ATE1: variants seen among roughly 807,000 people sequenced by gnomAD.
ATE1 encodes the protein arginyltransferase 1.
ATE1 carries 36 observed loss-of-function variants against 70.5 expected under a neutral mutation model. The observed-to-expected ratio is 0.51, with a 90% CI of 0.39 to 0.67. The LOEUF (loss-of-function observed/expected upper bound fraction) is 0.67, where lower values mean the gene tolerates loss of function less well. Among genes scored for constraint, ATE1 ranks in the 30% least tolerant of loss-of-function variants. ATE1 has a pLI of 0.00. For missense variants in ATE1, 593 were observed against 629.5 expected (o/e 0.94, Z 0.62); for synonymous variants, 232 against 219.3 (o/e 1.06, Z -0.51).
chr10:121,743,725 C>T lies in ATE1; in HGVS notation c.1512G>A (p.Leu504=). ...EEAAVLQYAS[L]VGQKCSERML... ...TCCGCTCGGAGCACTTCTGCCCCAC[C>T]AGGCTGGCGTACTGCAGAACAGCAG... Residue 504 remains leucine (L), a synonymous_variant, in exon 12 of 12, where the codon CTG becomes CTA. Coordinates refer to ENST00000224652, the MANE Select transcript of ATE1 (RefSeq NM_001001976.3). The T allele has an allele frequency of 2.5e-6, 4 of 1,613,874 alleles. No homozygotes were observed. Among genetic ancestry groups the T allele is most frequent in the Non-Finnish European group, 3.4e-6 (4 of 1,179,946 alleles).
chr10:121,784,000 C>A (rs562908230), intron 11 of ATE1, among the ~76,000 whole-genome samples: 4 of 152,304 alleles, frequency 2.6e-5, no homozygotes, highest in Admixed American at 2.6e-4. Context: ...ATTCTCCCAC[C>A]CTGGCCTCCG....
At chr10:121,782,328 A>T (rs760593550) in intron 11 of ATE1, among the ~76,000 whole-genome samples, 5 of 152,236 alleles carry the variant, frequency 3.3e-5, no homozygotes, top group Non-Finnish European at 5.9e-5. Context: ...ATATTTACAG[A>T]TAATTCACAA....
chr10:121,880,241 T>G (rs928441868), intron 7 of ATE1, among the ~76,000 whole-genome samples: 1 of 152,194 alleles, frequency 6.6e-6, no homozygotes, highest in Non-Finnish European at 1.5e-5. Context: ...GTAAAGCAAG[T>G]TTGAATACGC....
chr10:121,900,024 C>T (rs1950920196), intron 6 of ATE1, 30 bp from the exon 7 acceptor site: 1 of 1,608,986 alleles, frequency 6.2e-7, no homozygotes. Context: ...AACAAGTTTA[C>T]TAATTCATTC....
At chr10:121,883,189 C>A (rs1374256823) in intron 7 of ATE1, among the ~76,000 whole-genome samples, 6 of 152,022 alleles carry the variant, frequency 3.9e-5, no homozygotes, top group Admixed American at 1.3e-4. Context: ...TCCCACAACA[C>A]CCCCTGCTAA....
At chr10:121,751,058 T>A (rs1460718044) in intron 11 of ATE1, among the ~76,000 whole-genome samples, 1 of 152,198 alleles carries the variant, frequency 6.6e-6, no homozygotes. Context: ...AGAGCAGTTG[T>A]GACAGAAATA....
At chr10:121,850,960 G>A (rs913860356) in intron 8 of ATE1, among the ~76,000 whole-genome samples, 3 of 151,620 alleles carry the variant, frequency 2.0e-5, no homozygotes, top group South Asian at 2.1e-4. Context: ...GCATGGTGGC[G>A]GGAGGCTGGA....
At chr10:121,892,936 C>T (rs1950631483) in intron 7 of ATE1, among the ~76,000 whole-genome samples, 1 of 152,216 alleles carries the variant, frequency 6.6e-6, no homozygotes, top group African/African-American at 2.4e-5. Flanking sequence ...ACATCAGAGG[C>T]TTCTCATAAA....
intron 11 of ATE1, among the ~76,000 whole-genome samples, chr10:121,765,210 T>C: frequency 6.6e-6 from 1 of 152,174 alleles, no homozygotes; most frequent in East Asian, 1.9e-4. Context: ...GTCCCCCAGG[T>C]AGTGCTGGCC....
chr10:121,919,142 T>C (rs577223204), intron 3 of ATE1, among the ~76,000 whole-genome samples: 1 of 152,186 alleles, frequency 6.6e-6, no homozygotes, highest in South Asian at 2.1e-4. Flanking sequence ...CCTTCCACAC[T>C]GTGGAAGGTT....
chr10:121,835,185 C>T (rs966285012), intron 10 of ATE1, among the ~76,000 whole-genome samples: 4 of 151,960 alleles, frequency 2.6e-5, no homozygotes, highest in Non-Finnish European at 5.9e-5. Context: ...TTGAAGATAA[C>T]CAAATTCAGG....
At chr10:121,870,246 T>C (rs920949724) in intron 7 of ATE1, among the ~76,000 whole-genome samples, 1 of 152,222 alleles carries the variant, frequency 6.6e-6, no homozygotes, top group African/African-American at 2.4e-5. Context: ...TTTGAATTCC[T>C]TTCAATAAAT....
Position 121,841,102 on chromosome 10 carries a change from C to A in ATE1, c.1137G>T (p.Leu379Phe). The A allele has an allele frequency of 1.9e-6, 3 of 1,566,834 alleles. No individual in the cohort carries two copies. The highest frequency in any genetic ancestry group is 1.7e-5 in the Admixed American group (1 of 58,140). Reference protein sequence around the residue: ...YYDPDYSFLSLGVYSALREIA... With the variant: ...YYDPDYSFLSFGVYSALREIA... ...CTTACCGTAGTGCAGAGTAGACGCC[C>A]AAAGACAAAAACGAATAATCAGGAT... is the stretch of plus-strand genomic sequence containing the variant. The change falls in exon 9 of 12, where the codon TTG becomes TTT. Residue 379 changes from leucine to phenylalanine, a missense_variant. This residue lies in a region of ATE1 where 467 missense variants were observed against 469.6 expected (regional missense o/e 0.99). Transcript: ENST00000224652.
At chr10:121,911,620 T>C (rs561087996) in intron 4 of ATE1, among the ~76,000 whole-genome samples, 10 of 152,202 alleles carry the variant, frequency 6.6e-5, no homozygotes, top group Admixed American at 2.0e-4. Context: ...TTCCCCACAA[T>C]GGCTGGATTA....
intron 8 of ATE1, among the ~76,000 whole-genome samples, chr10:121,843,557 T>A (rs1948708791): frequency 6.6e-6 from 1 of 152,066 alleles, no homozygotes; most frequent in Non-Finnish European, 1.5e-5. Context: ...CCTGTAATAA[T>A]CAAGATGGAG....
chr10:121,805,552 C>T (rs977881975), intron 10 of ATE1, among the ~76,000 whole-genome samples: 1 of 152,130 alleles, frequency 6.6e-6, no homozygotes, highest in African/African-American at 2.4e-5. Flanking sequence ...GATTTGAACG[C>T]AGCTCTCGTG....
intron 11 of ATE1, among the ~76,000 whole-genome samples, chr10:121,785,922 C>T (rs1001356076): frequency 5.3e-5 from 8 of 152,108 alleles, no homozygotes; most frequent in African/African-American, 1.7e-4. Flanking sequence ...GTAAACTACT[C>T]TGGTAAAATA....
intron 8 of ATE1, among the ~76,000 whole-genome samples, chr10:121,844,350 C>T (rs1948739402): frequency 6.6e-6 from 1 of 152,204 alleles, no homozygotes; most frequent in Admixed American, 6.5e-5. Context: ...AAAAGATGCT[C>T]AATATCACTT....
intron 10 of ATE1, among the ~76,000 whole-genome samples, chr10:121,820,522 CATATA>C (rs1052572265): frequency 5.9e-5 from 9 of 152,152 alleles, no homozygotes; most frequent in African/African-American, 2.2e-4. Context: ...TTTCCACAAA[CATATA>C]ATCCTGTTTT....
Sources: allele counts gnomAD v4.1 joint callset (sites outside exome capture counted in the v4.1 genomes callset), GRCh38; gene constraint gnomAD v4.1.1; regional missense constraint gnomAD v4.1.1; transcripts MANE v1.5; gene names NCBI Gene and HGNC (gene_info 2026-07-23, HGNC 2026-07-21).